MTFMT: variants seen among roughly 807,000 people sequenced by gnomAD.
The protein encoded by MTFMT is mitochondrial methionyl-tRNA formyltransferase.
In MTFMT, 47 loss-of-function variants were observed where a neutral mutation model predicts 51.8. The ratio of observed to expected loss-of-function variants is 0.91; its 90% confidence interval spans 0.72 to 1.16. The LOEUF is 1.16. MTFMT is among the 50% of genes most tolerant of loss of function. MTFMT has a pLI of 0.00. For synonymous variants in MTFMT, 196 were observed against 176.7 expected (o/e 1.11, Z -0.87); for missense variants, 512 against 482.3 (o/e 1.06, Z -0.58).
chr15:65,006,119 G>A lies in MTFMT; in HGVS notation c.886C>T (p.Leu296Phe), dbSNP rs2086217659. The A allele has an allele frequency of 6.2e-7, 1 of 1,611,786 alleles. No homozygotes were observed. The highest frequency in any genetic ancestry group is 8.5e-7 in the Non-Finnish European group (1 of 1,178,546). Residue 296 changes from leucine (L) to phenylalanine (F), a missense_variant, in exon 7 of 9, where the codon CTT becomes TTT. Transcript: ENST00000220058. The part of the protein sequence containing the change: ...LDLVEVNSSV[L>F]ADPKLTGQAL... ...GCTATTCAAAAGTTAGTACCAGCAAGGACTGAACTGTTAACTTCTACCAAA... is the reference window on the plus strand; with the variant it reads ...GCTATTCAAAAGTTAGTACCAGCAAAGACTGAACTGTTAACTTCTACCAAA...
intron 5 of MTFMT, among the ~76,000 whole-genome samples, chr15:65,019,050 G>C (rs1012860097): frequency 1.3e-5 from 2 of 152,162 alleles, no homozygotes; most frequent in East Asian, 3.8e-4. Context: ...TTTGGGCAAG[G>C]AATATCAATC....
intron 6 of MTFMT, chr15:65,015,870 C>T (rs2086316841): frequency 6.6e-6 from 1 of 152,236 alleles, no homozygotes; most frequent in Non-Finnish European, 1.5e-5. Flanking sequence ...CACAAACACA[C>T]ATACGGTAAG....
chr15:65,021,648 T>C, intron 3 of MTFMT, 32 bp from the exon 4 acceptor site: 1 of 1,466,246 alleles, frequency 6.8e-7, no homozygotes, highest in Non-Finnish European at 9.5e-7. Flanking sequence ...ATAATGACAA[T>C]GATTACCATT....
intron 5 of MTFMT, among the ~76,000 whole-genome samples, chr15:65,018,874 T>A (rs2086346707): frequency 6.6e-6 from 1 of 152,230 alleles, no homozygotes; most frequent in South Asian, 2.1e-4. Flanking sequence ...ATCAACTTCT[T>A]ATTCTAATTA....
Position 65,002,442 on chromosome 15 carries a change from T to A in MTFMT, c.*620A>T, listed in dbSNP as rs2086183778. On this transcript the variant is annotated 3_prime_UTR_variant, in exon 9 of 9. Coordinates refer to ENST00000220058, the MANE Select transcript of MTFMT (RefSeq NM_139242.4). ...AAAAACAAAAAACCTCTTCTCAGTATGTATGTAGGTACATACATACACCAG... is the reference window on the plus strand; with the variant it reads ...AAAAACAAAAAACCTCTTCTCAGTAAGTATGTAGGTACATACATACACCAG... The A allele has an allele frequency of 6.6e-6, 1 of 152,068 alleles. No individual in the cohort carries two copies. Among genetic ancestry groups the A allele is most frequent in the Non-Finnish European group, 1.5e-5 (1 of 68,012 alleles). 9.4% of individuals were successfully genotyped at this position (152,068 alleles called of 1,614,324 possible). A position where few individuals can be genotyped will look rare whatever the true frequency, so the allele number is the denominator to read the frequency against.
intron 6 of MTFMT, among the ~76,000 whole-genome samples, chr15:65,009,545 A>C (rs558971374): frequency 6.6e-6 from 1 of 152,302 alleles, no homozygotes; most frequent in Admixed American, 6.5e-5. Context: ...CGCTGACTCT[A>C]TCTCCAAGCA....
chr15:65,020,290 AG>A lies in MTFMT; in HGVS notation c.646-19del, dbSNP rs1448033725. On this transcript the variant is annotated intron_variant, in intron 4 of 8. Coordinates refer to ENST00000220058, the MANE Select transcript of MTFMT (RefSeq NM_139242.4). ...GAAATGAGCTACAAAAAAAAAAAAA[AG>A]AGTGTGATATATTCAAAATGAAGGG... 7 of 1,569,786 alleles carry A rather than the reference AG, an allele frequency of 4.5e-6. No individual in the cohort carries two copies. The highest frequency in any genetic ancestry group is 6.1e-6 in the Non-Finnish European group (7 of 1,144,254).
chr15:65,027,660 C>A (rs1323122835), intron 1 of MTFMT, among the ~76,000 whole-genome samples: 1 of 152,114 alleles, frequency 6.6e-6, no homozygotes, highest in Non-Finnish European at 1.5e-5. Context: ...TACTGCTTTG[C>A]ATTTTTTTTC....
At chr15:65,006,814 T>A (rs182422172) in intron 6 of MTFMT, among the ~76,000 whole-genome samples, 71 of 152,360 alleles carry the variant, frequency 4.7e-4, no homozygotes, top group African/African-American at 1.6e-3. Flanking sequence ...TGATATTCTG[T>A]ATTTATTCCC....
chr15:65,006,641 G>A (rs2086222294), intron 6 of MTFMT, among the ~76,000 whole-genome samples: 1 of 152,114 alleles, frequency 6.6e-6, no homozygotes, highest in South Asian at 2.1e-4. Flanking sequence ...CTCCCAAAGT[G>A]CTGGGATTAC....
chr15:65,029,556 C>A lies in MTFMT; in HGVS notation c.58G>T (p.Gly20Trp), dbSNP rs1180445218. 1 of 1,506,096 alleles carries A rather than the reference C, an allele frequency of 6.6e-7. No homozygotes were observed. The highest frequency in any genetic ancestry group is 8.9e-7 in the Non-Finnish European group (1 of 1,127,768). 93.3% of individuals were successfully genotyped at this position (1,506,096 alleles called of 1,614,324 possible). A position where few individuals can be genotyped will look rare whatever the true frequency, so the allele number is the denominator to read the frequency against. The change falls in exon 1 of 9, where the codon GGG becomes TGG. Residue 20 changes from glycine (G) to tryptophan (W), a missense_variant. Gly to Trp is a radical substitution (Grantham distance 184). Transcript: ENST00000220058. ...GCTCGCCACTGGGGACTCGGCCTCC[C>A]ACGCCTGGCGCCATGAGCCAGCGGA... is the stretch of plus-strand genomic sequence containing the variant. ...GPPLAHGARR[G>W]RPSPQWRALA... is the part of the protein sequence containing the mutation.
intron 8 of MTFMT, among the ~76,000 whole-genome samples, chr15:65,004,431 A>C (rs1045726130): frequency 6.6e-6 from 1 of 152,152 alleles, no homozygotes; most frequent in African/African-American, 2.4e-5. Context: ...TAAAACAATA[A>C]TGATTCCAAA....
Position 65,029,534 on chromosome 15 carries a change from C to A in MTFMT, c.80G>T (p.Arg27Leu). The stretch of plus-strand genomic sequence containing the variant: ...CTCCCAGCCGAGTCGGGCCAGTGCT[C>A]GCCACTGGGGACTCGGCCTCCCACG... ...ARRGRPSPQW[R>L]ALARLGWEDC... The change falls in exon 1 of 9, where the codon CGA (arginine) becomes CTA (leucine). Residue 27 changes from arginine (R) to leucine (L), a missense_variant. Transcript: ENST00000220058. 3.3e-6 allele frequency: 5 copies of A among 1,525,266 alleles called. No individual in the cohort carries two copies. Among genetic ancestry groups the A allele is most frequent in the African/African-American group, 1.4e-5 (1 of 70,042 alleles). 94.5% of individuals were successfully genotyped at this position (1,525,266 alleles called of 1,614,324 possible).
At chr15:65,018,363 G>A (rs938696769) in intron 5 of MTFMT, among the ~76,000 whole-genome samples, 1 of 151,834 alleles carries the variant, frequency 6.6e-6, no homozygotes, top group African/African-American at 2.4e-5. Context: ...TAGTAATATT[G>A]GTATTGTAAT....
intron 6 of MTFMT, among the ~76,000 whole-genome samples, chr15:65,014,021 T>C (rs558551280): frequency 2.2e-4 from 33 of 152,246 alleles, no homozygotes; most frequent in African/African-American, 7.7e-4. Context: ...CTTTTTTATA[T>C]GTTGCTGGAT....
At chr15:65,021,131 A>C (rs554359200) in intron 4 of MTFMT, among the ~76,000 whole-genome samples, 1 of 152,372 alleles carries the variant, frequency 6.6e-6, no homozygotes, top group African/African-American at 2.4e-5. Flanking sequence ...AAATGACTGA[A>C]GCCAGGCAAA....
chr15:65,019,269 G>C (rs1007726457), intron 5 of MTFMT, among the ~76,000 whole-genome samples: 1 of 152,104 alleles, frequency 6.6e-6, no homozygotes, highest in African/African-American at 2.4e-5. Flanking sequence ...TACTCAAGTG[G>C]TACCTTAAGA....
Position 65,002,395 on chromosome 15 carries a change from T to TC in MTFMT, c.*666dup, listed in dbSNP as rs773370665. 3 of 151,660 alleles carry TC rather than the reference T, an allele frequency of 2.0e-5. No individual in the cohort carries two copies. Among genetic ancestry groups the TC allele is most frequent in the Non-Finnish European group, 2.9e-5 (2 of 67,964 alleles). 9.4% of individuals were successfully genotyped at this position (151,660 alleles called of 1,614,324 possible). A position where few individuals can be genotyped will look rare whatever the true frequency, so the allele number is the denominator to read the frequency against. ...TCCAGCCTGGGCCACAGAACAAGACTCCGTCTCAAAAAAATAAAAATAAAA... is the reference window on the plus strand; with the variant it reads ...TCCAGCCTGGGCCACAGAACAAGACTCCCGTCTCAAAAAAATAAAAATAAAA... On this transcript the variant is annotated 3_prime_UTR_variant, in exon 9 of 9. Transcript: ENST00000220058.
At position 65,029,636 on chromosome 15, in the gene MTFMT, C is replaced by A; in HGVS notation, c.-23G>T. 7.3e-7 allele frequency: 1 copy of A among 1,373,892 alleles called. No individual in the cohort carries two copies. Among genetic ancestry groups the A allele is most frequent in the African/African-American group, 1.5e-5 (1 of 66,064 alleles). The allele number at this position is 1,373,892 out of a possible 1,614,324, so 85.1% of individuals were successfully genotyped here. On this transcript the variant is annotated 5_prime_UTR_variant, in exon 1 of 9. Transcript: ENST00000220058. Reference sequence around the variant, plus strand: ...CATCGCCTCGGCCGCCGGCGGCCGGCCCTGCGCAGGCGCATCGGGGCGGGG... The same window carrying A: ...CATCGCCTCGGCCGCCGGCGGCCGGACCTGCGCAGGCGCATCGGGGCGGGG...
Sources: gnomAD v4.1 joint callset for allele counts (sites outside exome capture counted in the v4.1 genomes callset) on GRCh38, gnomAD v4.1.1 for gene constraint, MANE v1.5 for transcripts, NCBI Gene and HGNC (gene_info 2026-07-23, HGNC 2026-07-21) for gene names.